The following SPIDR variants were observed in gnomAD, a reference collection of about 807,000 sequenced individuals.
SPIDR encodes the protein scaffold protein involved in DNA repair, also known as DNA repair-scaffolding protein.
Under a neutral mutation model 104.6 loss-of-function variants are expected in SPIDR, and 93 were observed. The ratio of observed to expected loss-of-function variants is 0.89; its 90% CI spans 0.75 to 1.06. The LOEUF is 1.06. SPIDR is among the 50% of genes least tolerant of loss of function. SPIDR has a pLI of 0.00. For missense variants in SPIDR, 1,154 were observed against 1,111.2 expected, an observed-to-expected ratio of 1.04 and a Z score of -0.55; for synonymous variants, 431 against 416.9, an observed-to-expected ratio of 1.03 and a Z score of -0.41.
intron 14 of SPIDR, among the ~76,000 whole-genome samples, chr8:47,703,173 G>A (rs1281809642): frequency 6.6e-6 from 1 of 152,194 alleles, no homozygotes; most frequent in Non-Finnish European, 1.5e-5. Context: ...AGCATTCATG[G>A]TTGCATACAA....
chr8:47,363,371 A>C (rs1378262924), intron 5 of SPIDR, among the ~76,000 whole-genome samples: 2 of 151,158 alleles, frequency 1.3e-5, no homozygotes, highest in Admixed American at 6.6e-5. Context: ...ACTCCCGGCT[A>C]ATTTTTTTGT....
rs192440682 is a variant in SPIDR, at chr8:47,552,206, T to A, written c.1098-43605T>A. 5.5e-4 allele frequency among the ~76,000 whole-genome samples: 84 copies of A among 152,336 alleles called. 1 individual carries two copies. The highest frequency in any genetic ancestry group is 2.0e-3 in the African/African-American group (83 of 41,590). On this transcript the variant is annotated intron_variant, in intron 8 of 19. Coordinates refer to ENST00000297423, the MANE Select transcript of SPIDR (RefSeq NM_001080394.4). ...TTACTTCCAACTATGTGGTCAATTT[T>A]GGAATAAGTGCGATGTGGTGCTGAG...
At chr8:47,382,549 A>G (rs950139125) in intron 5 of SPIDR, among the ~76,000 whole-genome samples, 11 of 152,232 alleles carry the variant, frequency 7.2e-5, no homozygotes, top group African/African-American at 2.6e-4. Context: ...AGTAGCTGGG[A>G]CTACAGGAGT....
chr8:47,262,450 C>T (rs925000280), intron 1 of SPIDR, among the ~76,000 whole-genome samples: 4 of 152,076 alleles, frequency 2.6e-5, no homozygotes, highest in African/African-American at 9.7e-5. Context: ...AATCTGAGAA[C>T]GGCTCAACTA....
chr8:47,684,634 T>C (rs2077515731), intron 11 of SPIDR, among the ~76,000 whole-genome samples: 2 of 152,230 alleles, frequency 1.3e-5, no homozygotes, highest in Admixed American at 1.3e-4. Context: ...AGAAGTTGCT[T>C]TTCCCTTCTT....
intron 7 of SPIDR, among the ~76,000 whole-genome samples, chr8:47,425,049 T>A (rs2066205945): frequency 6.6e-6 from 1 of 152,256 alleles, no homozygotes; most frequent in Admixed American, 6.5e-5. Context: ...TTTAAAAAAA[T>A]GATTCTTATT....
chr8:47,423,101 C>G (rs782723525), intron 7 of SPIDR, among the ~76,000 whole-genome samples: 1 of 151,918 alleles, frequency 6.6e-6, no homozygotes, highest in Non-Finnish European at 1.5e-5. Flanking sequence ...GTCAGGAGTT[C>G]GAGACCAGCC....
At chr8:47,289,559 T>C (rs1246723508) in intron 3 of SPIDR, among the ~76,000 whole-genome samples, 1 of 152,198 alleles carries the variant, frequency 6.6e-6, no homozygotes, top group African/African-American at 2.4e-5. Flanking sequence ...AGCCCCATTC[T>C]GTCAGGTTTT....
At chr8:47,719,360 T>C (rs1029982595) in intron 16 of SPIDR, among the ~76,000 whole-genome samples, 4 of 151,818 alleles carry the variant, frequency 2.6e-5, no homozygotes, top group African/African-American at 9.7e-5. Flanking sequence ...TACAAAAAAA[T>C]TAGCTGGGCA....
At chr8:47,685,705 C>T (rs1012268599) in intron 11 of SPIDR, among the ~76,000 whole-genome samples, 1 of 151,780 alleles carries the variant, frequency 6.6e-6, no homozygotes, top group Non-Finnish European at 1.5e-5. Context: ...CAGGTGCACA[C>T]CACCATGCCC....
chr8:47,349,064 T>C (rs2052832774), intron 5 of SPIDR, among the ~76,000 whole-genome samples: 1 of 152,244 alleles, frequency 6.6e-6, no homozygotes, highest in African/African-American at 2.4e-5. Flanking sequence ...TTTTCTGCTC[T>C]GGTTTCTCCC....
intron 5 of SPIDR, among the ~76,000 whole-genome samples, chr8:47,342,232 C>T (rs1344937971): frequency 2.0e-5 from 3 of 151,938 alleles, no homozygotes; most frequent in Non-Finnish European, 4.4e-5. Flanking sequence ...TGCATGGGCT[C>T]CCCCATGCCG....
chr8:47,566,513 T>A (rs188995425), intron 8 of SPIDR, among the ~76,000 whole-genome samples: 5 of 152,282 alleles, frequency 3.3e-5, no homozygotes, highest in African/African-American at 1.2e-4. Flanking sequence ...GGATACTCAG[T>A]CACTGAGTAT....
At chr8:47,484,309 A>T (rs140986503) in intron 8 of SPIDR, among the ~76,000 whole-genome samples, 10 of 152,348 alleles carry the variant, frequency 6.6e-5, no homozygotes, top group African/African-American at 2.2e-4. Flanking sequence ...ATACATATCA[A>T]CCCTTTGAGA....
At chr8:47,445,533 T>A (rs2070414688) in intron 8 of SPIDR, among the ~76,000 whole-genome samples, 1 of 152,180 alleles carries the variant, frequency 6.6e-6, no homozygotes, top group Admixed American at 6.5e-5. Context: ...CCTCTAAGTG[T>A]TCACATGAAA....
chr8:47,621,239 G>T (rs1259470737), intron 10 of SPIDR, among the ~76,000 whole-genome samples: 1 of 152,054 alleles, frequency 6.6e-6, no homozygotes, highest in African/African-American at 2.4e-5. Context: ...ACAGGCGTGA[G>T]CCACCACGCC....
At position 47,318,196 on chromosome 8, in the gene SPIDR, A is replaced by G. The variant is rs200761529; in HGVS notation, c.525+24166A>G. 1.1e-4 allele frequency among the ~76,000 whole-genome samples: 17 copies of G among 152,270 alleles called. 1 individual carries two copies. Among genetic ancestry groups the G allele is most frequent in the African/African-American group, 2.2e-4 (9 of 41,558 alleles). On this transcript the variant is annotated intron_variant, in intron 5 of 19. Coordinates refer to ENST00000297423, the MANE Select transcript of SPIDR (RefSeq NM_001080394.4). ...ATGGCAAAGAAGTTAAAAACCTTGG[A>G]AAAAAACGAGACAAATGGCTAACTA...
intron 10 of SPIDR, among the ~76,000 whole-genome samples, chr8:47,603,676 G>GCGTGAGCCACC (rs2154427716): frequency 6.6e-6 from 1 of 152,162 alleles, no homozygotes; most frequent in East Asian, 1.9e-4. Flanking sequence ...AGGACTACAG[G>GCGTGAGCCACC]CGTGAGCCAC....
At chr8:47,686,859 A>G (rs1424623525) in intron 11 of SPIDR, among the ~76,000 whole-genome samples, 2 of 152,086 alleles carry the variant, frequency 1.3e-5, no homozygotes, top group African/African-American at 2.4e-5. Flanking sequence ...TAAACTATCT[A>G]TAGTAGGATT....
Sources: gnomAD v4.1 joint callset for allele counts (sites outside exome capture counted in the v4.1 genomes callset) on GRCh38, gnomAD v4.1.1 for gene constraint, MANE v1.5 for transcripts, NCBI Gene and HGNC (gene_info 2026-07-23, HGNC 2026-07-21) for gene names.